The following TGFB3 variants were observed in gnomAD, a reference collection of about 807,000 sequenced individuals.
TGFB3 encodes transforming growth factor beta 3.
In TGFB3, 5 loss-of-function variants were observed where a neutral mutation model predicts 40.1. That is an observed-to-expected ratio of 0.12 (90% confidence interval 0.07 to 0.26). The LOEUF (loss-of-function observed/expected upper bound fraction) is 0.26. TGFB3 is among the 10% of genes least tolerant of loss of function. The pLI is 1.00. For synonymous variants in TGFB3, 184 were observed against 205.6 expected, an observed-to-expected ratio of 0.89 and a Z score of 0.90; for missense variants, 373 against 530.1, an observed-to-expected ratio of 0.70 and a Z score of 2.91.
chr14:75,961,594 A>T (rs2035157429), intron 5 of TGFB3, among the ~76,000 whole-genome samples: 1 of 152,208 alleles, frequency 6.6e-6, no homozygotes, highest in African/African-American at 2.4e-5. Context: ...CCCAAATGTG[A>T]TTATCAGGCC....
At chr14:75,969,828 C>T (rs1241960016) in intron 3 of TGFB3, among the ~76,000 whole-genome samples, 2 of 152,182 alleles carry the variant, frequency 1.3e-5, no homozygotes, top group Non-Finnish European at 2.9e-5. Flanking sequence ...CTTGTGTCCT[C>T]ACATCCCATA....
rs548352440 is a variant in TGFB3 at position 75,958,252 on chromosome 14, C to G, written c.*935G>C. 6.6e-6 allele frequency: 1 copy of G among 152,660 alleles called. No individual in the cohort carries two copies. 9.5% of individuals were successfully genotyped at this position (152,660 alleles called of 1,614,324 possible). A position where few individuals can be genotyped will look rare whatever the true frequency, so the allele number is the denominator to read the frequency against. On this transcript the variant is annotated 3_prime_UTR_variant, in exon 7 of 7. Coordinates refer to ENST00000238682, the MANE Select transcript of TGFB3 (RefSeq NM_003239.5). ...AGTCTATGCGTCTGGGGCCAAGTCA[C>G]TGTGTGGCACATGTGCAGCTTCCCC...
Position 75,959,301 on chromosome 14 carries a change from C to T in TGFB3, c.1125G>A (p.Ser375=), listed in dbSNP as rs746094390. The T allele has an allele frequency of 3.7e-6, 6 of 1,614,106 alleles. No individual in the cohort carries two copies. The East Asian group carries it at 8.9e-5, about 24-fold the overall frequency. Residue 375 remains serine, a synonymous_variant, in exon 7 of 7, where the codon TCG becomes TCA. Coordinates refer to ENST00000238682, the MANE Select transcript of TGFB3 (RefSeq NM_003239.5). The stretch of plus-strand genomic sequence containing the variant: ...CCAGGTCCTGGGGCACGCAGCAAGG[C>T]GAGGCAGATGCTTCAGGGTTCAGAG... The part of the protein sequence containing the change: ...YNTLNPEASA[S]PCCVPQDLEP...
intron 6 of TGFB3, 172 bp downstream of exon 6, chr14:75,960,751 T>A: frequency 1.3e-6 from 1 of 799,494 alleles, no homozygotes; most frequent in Non-Finnish European, 2.0e-6. Flanking sequence ...GGGCAGAATG[T>A]GACTGAGTAG....
chr14:75,965,902 T>G lies in TGFB3; in HGVS notation c.647-207A>C, dbSNP rs937004169. 36 of 592,518 alleles carry G rather than the reference T, an allele frequency of 6.1e-5. No homozygotes were observed. The African/African-American group carries it at 6.7e-4, about 11-fold the overall frequency. 36.7% of individuals were successfully genotyped at this position (592,518 alleles called of 1,614,324 possible). ...CGTTGCCACATTCCAGGTATTCCTGTTGTATTATGAATCACCAAATGGGGG... is the reference window on the plus strand; with the variant it reads ...CGTTGCCACATTCCAGGTATTCCTGGTGTATTATGAATCACCAAATGGGGG... On this transcript the variant is annotated intron_variant, in intron 3 of 6. Transcript: ENST00000238682.
chr14:75,964,469 A>T (rs146788637), intron 4 of TGFB3, among the ~76,000 whole-genome samples: 1 of 152,340 alleles, frequency 6.6e-6, no homozygotes, highest in East Asian at 1.9e-4. Flanking sequence ...TTCATCTGAA[A>T]AAAAAGGAAA....
intron 3 of TGFB3, chr14:75,966,335 G>C (rs1474635334): frequency 1.2e-5 from 2 of 164,638 alleles, no homozygotes; most frequent in Non-Finnish European, 2.7e-5. Flanking sequence ...ATTTCTACCA[G>C]GGCCATGACT....
chr14:75,960,090 G>A (rs570351594), intron 6 of TGFB3, among the ~76,000 whole-genome samples: 122 of 151,824 alleles, frequency 8.0e-4, no homozygotes, highest in Non-Finnish European at 8.8e-5. Flanking sequence ...TTACAAGCGC[G>A]TGCCACCACA....
In TGFB3 at chr14:75,959,791, C is replaced by A. The variant is rs1054112674; in HGVS notation, c.1081-446G>T. On this transcript the variant is annotated intron_variant, in intron 6 of 6. Transcript: ENST00000238682. ...CTCAAAAAAAAGAAAAAAAAAAAAA[C>A]TGTTGGAACCTGGTTTGGGTGAGTG... Among the ~76,000 whole-genome samples the A allele has an allele frequency of 4.3e-4, 65 of 150,708 alleles. No individual in the cohort carries two copies. The South Asian group carries it at 0.012, about 28-fold the overall frequency.
chr14:75,982,060 G>C (rs994083160), upstream of TGFB3, among the ~76,000 whole-genome samples: 14 of 152,266 alleles, frequency 9.2e-5, no homozygotes, highest in African/African-American at 3.4e-4. This position sits in a 1 kb window ranked among gnomAD's most constrained non-coding sequence, Gnocchi z 4.0. Flanking sequence ...CTGGGGTGGG[G>C]GAGGGAGGGA....
intron 3 of TGFB3, among the ~76,000 whole-genome samples, chr14:75,967,088 C>G (rs2035229801): frequency 6.6e-6 from 1 of 152,206 alleles, no homozygotes; most frequent in East Asian, 1.9e-4. Context: ...TCAGGGCAAA[C>G]CCCAAAAAGT....
At chr14:75,961,567 C>T (rs565948661) in intron 5 of TGFB3, among the ~76,000 whole-genome samples, 59 of 152,300 alleles carry the variant, frequency 3.9e-4, no homozygotes, top group Middle Eastern at 6.8e-3. Context: ...CTATTAGAAC[C>T]GTGGTTCAAC....
chr14:75,961,855 C>T (rs2035160115), intron 5 of TGFB3, among the ~76,000 whole-genome samples: 1 of 152,214 alleles, frequency 6.6e-6, no homozygotes, highest in Admixed American at 6.5e-5. Context: ...ACACCAGATG[C>T]TCCTTTTCCT....
chr14:75,976,611 C>T (rs1168082329), intron 1 of TGFB3, among the ~76,000 whole-genome samples: 4 of 152,144 alleles, frequency 2.6e-5, no homozygotes, highest in Non-Finnish European at 2.9e-5. Flanking sequence ...TTCTGGGACA[C>T]GGGAAGAACT....
intron 3 of TGFB3, chr14:75,970,572 AATAAT>A: frequency 8.6e-6 from 1 of 116,308 alleles, no homozygotes; most frequent in Admixed American, 8.0e-5. Context: ...AAATAATAAT[AATAAT>A]AATAATAATA....
intron 1 of TGFB3, among the ~76,000 whole-genome samples, chr14:75,977,656 C>CAAA (rs1196922250): frequency 8.9e-5 from 6 of 67,366 alleles, no homozygotes; most frequent in Admixed American, 1.6e-4. Flanking sequence ...ATCTCCCGGG[C>CAAA]AAAAAAAAAA....
intron 1 of TGFB3, among the ~76,000 whole-genome samples, chr14:75,977,851 G>A (rs1253254114): frequency 6.6e-6 from 1 of 151,950 alleles, no homozygotes; most frequent in South Asian, 2.1e-4. Flanking sequence ...CTTACAACGT[G>A]TATTTTACAT....
At chr14:75,982,744 G>A (rs1436056574), upstream of TGFB3, 7 of 152,310 alleles carry the variant, frequency 4.6e-5, no homozygotes, top group Admixed American at 4.6e-4. This position sits in a 1 kb window ranked among gnomAD's most constrained non-coding sequence, Gnocchi z 4.0. Flanking sequence ...ACAAGACCCA[G>A]GCCCCGAGGA....
Position 75,959,005 on chromosome 14 carries a change from A to T in TGFB3, c.*182T>A, listed in dbSNP as rs902010969. On this transcript the variant is annotated 3_prime_UTR_variant, in exon 7 of 7. Transcript: ENST00000238682. ...AACCCACACTTTCTTTACCACCGTG[A>T]TTCTCAGAGCCAGCAAGAAAGAAAT... 8 of 740,410 alleles carry T rather than the reference A, an allele frequency of 1.1e-5. No individual in the cohort carries two copies. In the African/African-American group the frequency reaches 1.4e-4, roughly 13 times the overall value. The allele number at this position is 740,410 out of a possible 1,614,324, so 45.9% of individuals were successfully genotyped here. A position where few individuals can be genotyped will look rare whatever the true frequency, so the allele number is the denominator to read the frequency against.
Sources: allele counts gnomAD v4.1 joint callset (sites outside exome capture counted in the v4.1 genomes callset), GRCh38; gene constraint gnomAD v4.1.1; non-coding constraint Gnocchi (gnomAD v3.1); transcripts MANE v1.5; gene names NCBI Gene and HGNC (gene_info 2026-07-23, HGNC 2026-07-21).